Variants in PLXND1 observed in about 807,000 individuals in gnomAD.
The protein encoded by PLXND1 is plexin-D1.
A neutral mutation model predicts 197.7 loss-of-function variants in PLXND1; 54 were observed. The observed-to-expected ratio is 0.27, with a 90% CI of 0.22 to 0.34. The LOEUF (loss-of-function observed/expected upper bound fraction) is 0.34, where lower values mean the gene tolerates loss of function less well. PLXND1 is among the 10% of genes least tolerant of loss of function. The pLI is 1.00. For synonymous variants in PLXND1, 1,180 were observed against 1,161.2 expected, an observed-to-expected ratio of 1.02 and a Z score of -0.33; for missense variants, 2,127 against 2,699.2, an observed-to-expected ratio of 0.79 and a Z score of 4.70.
In PLXND1 at chr3:129,577,460, T is replaced by G. The variant is rs1578332060; in HGVS notation, c.2346+869A>C. Among the ~76,000 whole-genome samples the G allele has an allele frequency of 9.6e-6, 1 of 103,832 alleles. No individual in the cohort carries two copies. Among genetic ancestry groups the G allele is most frequent in the Non-Finnish European group, 1.9e-5 (1 of 54,026 alleles). The allele number at this position is 103,832 out of a possible 152,430, so 68.1% of individuals were successfully genotyped here. On this transcript the variant is annotated intron_variant, in intron 9 of 35. Coordinates refer to ENST00000324093, the MANE Select transcript of PLXND1 (RefSeq NM_015103.3). The surrounding 1 kb of genome is among the most constrained non-coding windows in gnomAD (Gnocchi z 5.0). ...GGCGCTTGCCCCAACTCCTGCAGGGTGGGGCTTGAGGGCTGAGGGCAGGCC... is the reference window on the plus strand; with the variant it reads ...GGCGCTTGCCCCAACTCCTGCAGGGGGGGGCTTGAGGGCTGAGGGCAGGCC...
chr3:129,580,538 T>C (rs888825914), intron 8 of PLXND1, among the ~76,000 whole-genome samples: 3 of 151,986 alleles, frequency 2.0e-5, no homozygotes, highest in Non-Finnish European at 4.4e-5. Context: ...TGGGTAGGTG[T>C]TGATGTGGGG....
chr3:129,593,037 T>C (rs981157009), intron 1 of PLXND1, among the ~76,000 whole-genome samples: 21 of 152,334 alleles, frequency 1.4e-4, no homozygotes, highest in Admixed American at 1.1e-3. Flanking sequence ...CTAATGAGCA[T>C]GAGTCTTTCA....
intron 29 of PLXND1, 125 bp downstream of exon 29, chr3:129,561,521 C>T: frequency 1.4e-6 from 1 of 696,132 alleles, no homozygotes; most frequent in Non-Finnish European, 2.4e-6. Context: ...GCCCAGCCCC[C>T]ACCAAGGAGG....
In PLXND1 at chr3:129,605,674, G is replaced by A. The variant is rs933428278; in HGVS notation, c.966C>T (p.Cys322=). 5.9e-6 allele frequency: 9 copies of A among 1,537,354 alleles called. No individual in the cohort carries two copies. The highest frequency in any genetic ancestry group is 3.9e-5 in the Admixed American group (2 of 50,654). The change falls in exon 1 of 36, where the codon TGC becomes TGT. Residue 322 remains cysteine, a synonymous_variant. Transcript: ENST00000324093. Reference sequence around the variant, plus strand: ...CGTCGCCGCCGGCGCCGTGGGGCAGGCAGATGCGCGCCAGCAGGCTCCGCG... The same window carrying A: ...CGTCGCCGCCGGCGCCGTGGGGCAGACAGATGCGCGCCAGCAGGCTCCGCG... ...SQARSLLARI[C]LPHGAGGDAK...
At position 129,606,136 on chromosome 3, in the gene PLXND1, C is replaced by T; in HGVS notation, c.504G>A (p.Pro168=). Residue 168 remains proline, a synonymous_variant, in exon 1 of 36, where the codon CCG becomes CCA. Coordinates refer to ENST00000324093, the MANE Select transcript of PLXND1 (RefSeq NM_015103.3). ...AVAVRFPPAA[P]PAEPVTVFPS... is the part of the protein sequence containing the mutation. ...GGAACACCGTGACGGGCTCGGCGGG[C>T]GGCGCGGCGGGCGGGAAGCGCACGG... 1 of 1,507,556 alleles carries T rather than the reference C, an allele frequency of 6.6e-7. No individual in the cohort carries two copies. The highest frequency in any genetic ancestry group is 2.1e-5 in the Admixed American group (1 of 47,010). 93.4% of individuals were successfully genotyped at this position (1,507,556 alleles called of 1,614,324 possible). A position where few individuals can be genotyped will look rare whatever the true frequency, so the allele number is the denominator to read the frequency against.
intron 8 of PLXND1, among the ~76,000 whole-genome samples, chr3:129,579,107 G>A (rs1265718258): frequency 6.6e-6 from 1 of 152,086 alleles, no homozygotes; most frequent in Non-Finnish European, 1.5e-5. Context: ...CTTGTTTGGT[G>A]GTGGAGTCAC....
intron 1 of PLXND1, among the ~76,000 whole-genome samples, chr3:129,598,886 T>A (rs1251301471): frequency 6.6e-6 from 1 of 152,088 alleles, no homozygotes; most frequent in Non-Finnish European, 1.5e-5. Flanking sequence ...TTCCATAGAC[T>A]GGGGATAACA....
intron 1 of PLXND1, among the ~76,000 whole-genome samples, chr3:129,596,317 G>C (rs988416597): frequency 1.3e-5 from 2 of 152,124 alleles, no homozygotes; most frequent in East Asian, 3.9e-4. Flanking sequence ...TCTGGCCTCG[G>C]CCTGCTCTGC....
At position 129,571,531 on chromosome 3, in the gene PLXND1, T is replaced by C. The variant is rs776276010; in HGVS notation, c.3314A>G (p.His1105Arg). The C allele has an allele frequency of 3.1e-6, 5 of 1,613,576 alleles. No individual in the cohort carries two copies. The highest frequency in any genetic ancestry group is 4.2e-6 in the Non-Finnish European group (5 of 1,179,946). The change falls in exon 17 of 36, where the codon CAC becomes CGC. Residue 1105 changes from histidine to arginine, a missense_variant. His to Arg is a conservative substitution (Grantham distance 29). Coordinates refer to ENST00000324093, the MANE Select transcript of PLXND1 (RefSeq NM_015103.3). ...CACCGTGGGCTCCCGGCCAATGTGG[T>C]GGACGGCCATGGACACATTCTGCAC... ...HMVQNVSMAV[H>R]HIGREPTLCK...
Position 129,556,033 on chromosome 3 carries a change from C to T in PLXND1, c.*279G>A. The T allele has an allele frequency of 5.0e-6, 2 of 402,690 alleles. No homozygotes were observed. The highest frequency in any genetic ancestry group is 4.5e-6 in the Non-Finnish European group (1 of 221,384). 24.9% of individuals were successfully genotyped at this position (402,690 alleles called of 1,614,324 possible). On this transcript the variant is annotated 3_prime_UTR_variant, in exon 36 of 36. Coordinates refer to ENST00000324093, the MANE Select transcript of PLXND1 (RefSeq NM_015103.3). ...GGACGTTGTGGAGCAAGTGGGTGGG[C>T]ACAGTGCAGGCCGTGCTGGGCAGAT...
rs1335551327 is a variant in PLXND1, at chr3:129,555,548, A to G, written c.*764T>C. On this transcript the variant is annotated 3_prime_UTR_variant, in exon 36 of 36. Transcript: ENST00000324093. ...ACGTTTTTTAATATATAAAAGCTTT[A>G]AAAAAAAAAGTGGTGCTATCTTTAG... 1.7e-6 allele frequency: 1 copy of G among 585,082 alleles called. No individual in the cohort carries two copies. The highest frequency in any genetic ancestry group is 3.0e-6 in the Non-Finnish European group (1 of 329,478). The allele number at this position is 585,082 out of a possible 1,614,324, so 36.2% of individuals were successfully genotyped here. A position where few individuals can be genotyped will look rare whatever the true frequency, so the allele number is the denominator to read the frequency against.
rs935277735 is a variant in PLXND1 at position 129,555,651 on chromosome 3, G to C, written c.*661C>G. ...CCCCTCTCCTTTTCCTGGAGACGGG[G>C]CTCCCAGCTCCTGTGCCCCCCATCC... is the stretch of plus-strand genomic sequence containing the variant. On this transcript the variant is annotated 3_prime_UTR_variant, in exon 36 of 36. Transcript: ENST00000324093. 19 of 544,532 alleles carry C rather than the reference G, an allele frequency of 3.5e-5. No homozygotes were observed. Among genetic ancestry groups the C allele is most frequent in the African/African-American group, 3.0e-4 (15 of 50,260 alleles). The allele number at this position is 544,532 out of a possible 1,614,324, so 33.7% of individuals were successfully genotyped here. A position where few individuals can be genotyped will look rare whatever the true frequency, so the allele number is the denominator to read the frequency against.
At chr3:129,582,457 T>C (rs2085399810) in intron 8 of PLXND1, among the ~76,000 whole-genome samples, 1 of 152,356 alleles carries the variant, frequency 6.6e-6, no homozygotes, top group Middle Eastern at 3.4e-3. Flanking sequence ...ATCTGGAATA[T>C]GGGCAGGACC....
intron 31 of PLXND1, 112 bp from the exon 32 acceptor site, chr3:129,559,895 C>T (rs1186932761): frequency 5.6e-5 from 52 of 928,782 alleles, no homozygotes; most frequent in Non-Finnish European, 7.9e-5. Flanking sequence ...ATGAGGAAGC[C>T]ACATGGCATC....
Position 129,562,818 on chromosome 3 carries a change from G to T in PLXND1, c.4794C>A (p.Ser1598=), listed in dbSNP as rs372232670. 2.5e-6 allele frequency: 4 copies of T among 1,606,202 alleles called. No individual in the cohort carries two copies. The highest frequency in any genetic ancestry group is 1.3e-5 in the African/African-American group (1 of 74,882). ...CGACGTCCTCTGCACGCGGCCACTGGGAGTAGGGCACATTCTTGCAGAAGG... is the reference window on the plus strand; with the variant it reads ...CGACGTCCTCTGCACGCGGCCACTGTGAGTAGGGCACATTCTTGCAGAAGG... ...LEAFCKNVPY[S]QWPRAEDVDL... Residue 1598 remains serine (S), a synonymous_variant, in exon 27 of 36, where the codon TCC becomes TCA. Transcript: ENST00000324093.
intron 1 of PLXND1, among the ~76,000 whole-genome samples, chr3:129,597,558 C>T (rs1319080530): frequency 1.3e-5 from 2 of 152,208 alleles, no homozygotes; most frequent in South Asian, 2.1e-4. Flanking sequence ...TGCCGGGACT[C>T]GTAATGGAGC....
chr3:129,601,932 A>G, intron 1 of PLXND1, among the ~76,000 whole-genome samples: 1 of 152,194 alleles, frequency 6.6e-6, no homozygotes, highest in South Asian at 2.1e-4. Flanking sequence ...AGCCTGGCAC[A>G]CAGTAAGTGC....
intron 1 of PLXND1, among the ~76,000 whole-genome samples, chr3:129,592,214 T>C (rs989700835): frequency 6.6e-6 from 1 of 152,282 alleles, no homozygotes; most frequent in South Asian, 2.1e-4. Flanking sequence ...AGGTGGGTGC[T>C]GAGCGGTCTC....
In PLXND1 at chr3:129,605,404, C is replaced by G; in HGVS notation, c.1236G>C (p.Ala412=). The change falls in exon 1 of 36, where the codon GCG becomes GCC. Residue 412 remains alanine (A), a synonymous_variant. Coordinates refer to ENST00000324093, the MANE Select transcript of PLXND1 (RefSeq NM_015103.3). The part of the protein sequence containing the change: ...AARTACFVEP[A]PDVVAVLDSV... ...TGTCGAGCACCGCCACCACGTCGGGCGCCGGTTCCACGAAGCAGGCGGTGC... is the reference window on the plus strand; with the variant it reads ...TGTCGAGCACCGCCACCACGTCGGGGGCCGGTTCCACGAAGCAGGCGGTGC... The G allele has an allele frequency of 1.3e-6, 2 of 1,500,508 alleles. No individual in the cohort carries two copies. Among genetic ancestry groups the G allele is most frequent in the Non-Finnish European group, 1.8e-6 (2 of 1,132,678 alleles). 92.9% of individuals were successfully genotyped at this position (1,500,508 alleles called of 1,614,324 possible).
Sources: allele counts gnomAD v4.1 joint callset (sites outside exome capture counted in the v4.1 genomes callset), GRCh38; gene constraint gnomAD v4.1.1; non-coding constraint Gnocchi (gnomAD v3.1); transcripts MANE v1.5; gene names NCBI Gene and HGNC (gene_info 2026-07-23, HGNC 2026-07-21).